JRK: variants seen among roughly 807,000 people sequenced by gnomAD.
JRK encodes the protein Jrk helix-turn-helix protein.
For missense variants in JRK, 720 were observed against 509.2 expected (o/e 1.41, Z -3.98); for synonymous variants, 303 against 218.1 (o/e 1.39, Z -3.43).
At chr8:142,647,144 T>C in the JRK span, among the ~76,000 whole-genome samples, 2 of 152,176 alleles carry the variant, frequency 1.3e-5, no homozygotes, top group Middle Eastern at 3.2e-3. Flanking sequence ...GTTTAAAGAT[T>C]ACCTACGTTC....
At chr8:142,649,227 G>A in the JRK span, among the ~76,000 whole-genome samples, 13 of 152,186 alleles carry the variant, frequency 8.5e-5, no homozygotes, top group African/African-American at 3.1e-4. Flanking sequence ...GCGGGAGACT[G>A]TTAGGAAGGC....
intron 1 of JRK, among the ~76,000 whole-genome samples, chr8:142,667,758 T>C (rs1394006177): frequency 2.6e-5 from 4 of 152,142 alleles, no homozygotes; most frequent in Non-Finnish European, 5.9e-5. Context: ...AACACATCTT[T>C]CTGTTGGAGT....
rs782712137 is a variant in JRK at position 142,664,920 on chromosome 8, C to T, written c.1139G>A (p.Arg380Gln). The change falls in exon 2 of 2, where the codon CGG (arginine) becomes CAG (glutamine). Residue 380 changes from arginine (R) to glutamine (Q), a missense_variant. Arg to Gln is a conservative substitution (Grantham distance 43). Coordinates refer to ENST00000612905, the MANE Select transcript of JRK (RefSeq NM_003724.4). ...CGACGGCCACAGCTTCCTCCAGGCC[C>T]GCCTGAAGACGTGGCTAGGGACTGC... ...WNAVPSHVFR[R>Q]AWRKLWPSVA... 4.5e-5 allele frequency: 42 copies of T among 936,168 alleles called. No individual in the cohort carries two copies. The East Asian group carries it at 5.6e-4, about 12-fold the overall frequency. The allele number at this position is 936,168 out of a possible 1,614,324, so 58.0% of individuals were successfully genotyped here.
In JRK at chr8:142,665,551, T is replaced by C. The variant is rs1005219773; in HGVS notation, c.508A>G (p.Arg170Gly). ...QAAEQFCAFF[R>G]SLAAEHGLSA... is the part of the protein sequence containing the mutation. ...AGCCCGTGCTCAGCAGCCAAGCTCC[T>C]GAAAAACGCACAGAACTGCTCCGCG... The change falls in exon 2 of 2, where the codon AGG (arginine) becomes GGG (glycine). Residue 170 changes from arginine to glycine, a missense_variant. Transcript: ENST00000612905. 4 of 718,484 alleles carry C rather than the reference T, an allele frequency of 5.6e-6. No individual in the cohort carries two copies. The highest frequency in any genetic ancestry group is 5.2e-6 in the Non-Finnish European group (2 of 385,080). 44.5% of individuals were successfully genotyped at this position (718,484 alleles called of 1,614,324 possible). A position where few individuals can be genotyped will look rare whatever the true frequency, so the allele number is the denominator to read the frequency against.
chr8:142,664,968 A>C lies in JRK; in HGVS notation c.1091T>G (p.Phe364Cys). The change falls in exon 2 of 2, where the codon TTC (phenylalanine) becomes TGC (cysteine). Residue 364 changes from phenylalanine (F) to cysteine (C), a missense_variant. Transcript: ENST00000612905. ...HARYNMNDAI[F>C]SVACAWNAVP... ...TGCGTTCCAGGCACAGGCCACGCTG[A>C]ATATGGCATCGTTCATGTTGTAGCG... 1 of 747,678 alleles carries C rather than the reference A, an allele frequency of 1.3e-6. No individual in the cohort carries two copies. The highest frequency in any genetic ancestry group is 1.7e-5 in the African/African-American group (1 of 58,326). 46.3% of individuals were successfully genotyped at this position (747,678 alleles called of 1,614,324 possible).
rs923207150 is a variant in JRK at position 142,662,034 on chromosome 8, C to T, written c.*2318G>A. 62 of 985,322 alleles carry T rather than the reference C, an allele frequency of 6.3e-5. No homozygotes were observed. Among genetic ancestry groups the T allele is most frequent in the Non-Finnish European group, 7.1e-5 (59 of 830,004 alleles). 61.0% of individuals were successfully genotyped at this position (985,322 alleles called of 1,614,324 possible). ...GAGGGGCTGCAGGAGGAGCAGGGCCCGAGTCCCCTGGGTGGCACAAGGGAT... is the reference window on the plus strand; with the variant it reads ...GAGGGGCTGCAGGAGGAGCAGGGCCTGAGTCCCCTGGGTGGCACAAGGGAT... On this transcript the variant is annotated 3_prime_UTR_variant, in exon 2 of 2. Transcript: ENST00000612905.
chr8:142,665,594 C>T lies in JRK; in HGVS notation c.465G>A (p.Gln155=), dbSNP rs1554635780. The T allele has an allele frequency of 1.4e-6, 1 of 718,578 alleles. No homozygotes were observed. The highest frequency in any genetic ancestry group is 2.7e-5 in the East Asian group (1 of 37,290). 44.5% of individuals were successfully genotyped at this position (718,578 alleles called of 1,614,324 possible). A position where few individuals can be genotyped will look rare whatever the true frequency, so the allele number is the denominator to read the frequency against. The change falls in exon 2 of 2, where the codon CAG becomes CAA. Residue 155 remains glutamine (Q), a synonymous_variant. Coordinates refer to ENST00000612905, the MANE Select transcript of JRK (RefSeq NM_003724.4). ...IKKLDASSEK[Q]SADHQAAEQF... is the part of the protein sequence containing the mutation. ...GCTCCGCGGCCTGGTGGTCGGCTGA[C>T]TGCTTTTCACTGGATGCATCTAGCT...
chr8:142,650,677 G>C, the JRK span, among the ~76,000 whole-genome samples: 1 of 152,194 alleles, frequency 6.6e-6, no homozygotes, highest in Non-Finnish European at 1.5e-5. Flanking sequence ...GGGCTCCCCA[G>C]CGATGCCAAA....
In JRK at chr8:142,663,235, C is replaced by G; in HGVS notation, c.*1117G>C. 1.0e-6 allele frequency: 1 copy of G among 985,460 alleles called. No homozygotes were observed. Among genetic ancestry groups the G allele is most frequent in the Non-Finnish European group, 1.2e-6 (1 of 829,944 alleles). The allele number at this position is 985,460 out of a possible 1,614,324, so 61.0% of individuals were successfully genotyped here. A position where few individuals can be genotyped will look rare whatever the true frequency, so the allele number is the denominator to read the frequency against. On this transcript the variant is annotated 3_prime_UTR_variant, in exon 2 of 2. Coordinates refer to ENST00000612905, the MANE Select transcript of JRK (RefSeq NM_003724.4). ...CTGTGGACACAGGGCGTTCTGGAATCTCAGCTGCAGGCAGTGAGTGTTGCC... is the reference window on the plus strand; with the variant it reads ...CTGTGGACACAGGGCGTTCTGGAATGTCAGCTGCAGGCAGTGAGTGTTGCC...
Position 142,662,835 on chromosome 8 carries a change from A to G in JRK, c.*1517T>C. 1.0e-6 allele frequency: 1 copy of G among 985,464 alleles called. No homozygotes were observed. The highest frequency in any genetic ancestry group is 1.2e-6 in the Non-Finnish European group (1 of 829,928). 61.0% of individuals were successfully genotyped at this position (985,464 alleles called of 1,614,324 possible). ...GAATTTAAGAGAGGAAAAGAATTCA[A>G]GGGCAAAGCACTGAAAATAACATAG... On this transcript the variant is annotated 3_prime_UTR_variant, in exon 2 of 2. Coordinates refer to ENST00000612905, the MANE Select transcript of JRK (RefSeq NM_003724.4).
At chr8:142,669,199 T>TGTGTGTGCGC (rs1357904924) in intron 1 of JRK, among the ~76,000 whole-genome samples, 1 of 61,596 alleles carries the variant, frequency 1.6e-5, no homozygotes, top group African/African-American at 7.8e-5. Flanking sequence ...TGTGTGTGTG[T>TGTGTGTGCGC]GCGTGTGTGT....
At position 142,661,963 on chromosome 8, in the gene JRK, C is replaced by T. The variant is rs1554634625; in HGVS notation, c.*2389G>A. 1 of 985,446 alleles carries T rather than the reference C, an allele frequency of 1.0e-6. No individual in the cohort carries two copies. Among genetic ancestry groups the T allele is most frequent in the Non-Finnish European group, 1.2e-6 (1 of 830,050 alleles). The allele number at this position is 985,446 out of a possible 1,614,324, so 61.0% of individuals were successfully genotyped here. ...GCCCAGCAGCTCAGAGATGAGTACG[C>T]TCTGGGCTCCCTAAAAACCTCACTC... On this transcript the variant is annotated 3_prime_UTR_variant, in exon 2 of 2. Transcript: ENST00000612905.
chr8:142,666,444 G>T lies in JRK; in HGVS notation c.-386C>A, dbSNP rs1244464930. 2 of 360,696 alleles carry T rather than the reference G, an allele frequency of 5.5e-6. No individual in the cohort carries two copies. Among genetic ancestry groups the T allele is most frequent in the East Asian group, 1.4e-4 (2 of 14,266 alleles). 22.3% of individuals were successfully genotyped at this position (360,696 alleles called of 1,614,324 possible). The stretch of plus-strand genomic sequence containing the variant: ...CCTCAAACTGACCAGGTTTGGGGTG[G>T]TAGAGGTTTTACCGCATAAGCAGCA... On this transcript the variant is annotated 5_prime_UTR_variant, in exon 2 of 2. Transcript: ENST00000612905.
In JRK at chr8:142,663,881, G is replaced by T; in HGVS notation, c.*471C>A. The T allele has an allele frequency of 1.0e-6, 1 of 990,150 alleles. No individual in the cohort carries two copies. The highest frequency in any genetic ancestry group is 1.2e-6 in the Non-Finnish European group (1 of 833,376). The allele number at this position is 990,150 out of a possible 1,614,324, so 61.3% of individuals were successfully genotyped here. ...TCGGGGTCCACCCAACACGGGGATGGCCGCCAGCCCAGCAGATAGAGCCTT... is the reference window on the plus strand; with the variant it reads ...TCGGGGTCCACCCAACACGGGGATGTCCGCCAGCCCAGCAGATAGAGCCTT... On this transcript the variant is annotated 3_prime_UTR_variant, in exon 2 of 2. Coordinates refer to ENST00000612905, the MANE Select transcript of JRK (RefSeq NM_003724.4).
At chr8:142,649,798 G>A in the JRK span, among the ~76,000 whole-genome samples, 27 of 152,358 alleles carry the variant, frequency 1.8e-4, no homozygotes, top group African/African-American at 6.3e-4. Context: ...AGTGTGGAAC[G>A]AAAATGTGGG....
Position 142,658,812 on chromosome 8 carries a change from G to C in JRK, c.*5540C>G. The stretch of plus-strand genomic sequence containing the variant: ...CCTCAAGGGCACTGGTGGGGACAGA[G>C]GGGTCTTACCCAGCACTGCCATGTG... On this transcript the variant is annotated 3_prime_UTR_variant, in exon 2 of 2. Coordinates refer to ENST00000612905, the MANE Select transcript of JRK (RefSeq NM_003724.4). 6.3e-7 allele frequency: 1 copy of C among 1,592,434 alleles called. No individual in the cohort carries two copies. The highest frequency in any genetic ancestry group is 8.6e-7 in the Non-Finnish European group (1 of 1,169,318).
downstream of JRK, among the ~76,000 whole-genome samples, chr8:142,657,040 C>CA (rs1172116138): frequency 6.6e-6 from 1 of 152,222 alleles, no homozygotes; most frequent in African/African-American, 2.4e-5. Context: ...CTAGTGAAGT[C>CA]ACTGCCACAT....
chr8:142,659,078 C>A lies in JRK; in HGVS notation c.*5274G>T. ...CCTAGTGTATTTTTTCTCTTCAGAA[C>A]TGACAGCCCATCAAGGTACAATGAA... On this transcript the variant is annotated 3_prime_UTR_variant, in exon 2 of 2. Transcript: ENST00000612905. The A allele has an allele frequency of 7.1e-7, 1 of 1,417,080 alleles. No homozygotes were observed. The highest frequency in any genetic ancestry group is 9.2e-7 in the Non-Finnish European group (1 of 1,084,090). The allele number at this position is 1,417,080 out of a possible 1,614,324, so 87.8% of individuals were successfully genotyped here.
the JRK span, among the ~76,000 whole-genome samples, chr8:142,648,485 T>C: frequency 6.6e-6 from 1 of 152,174 alleles, no homozygotes; most frequent in Non-Finnish European, 1.5e-5. Flanking sequence ...GGGGCCAACA[T>C]AGAGCTCAGG....
Sources: allele counts gnomAD v4.1 joint callset (sites outside exome capture counted in the v4.1 genomes callset), GRCh38; gene constraint gnomAD v4.1.1; transcripts MANE v1.5; gene names NCBI Gene and HGNC (gene_info 2026-07-23, HGNC 2026-07-21).